Variants in ODAPH observed in about 807,000 individuals in gnomAD.
The protein encoded by ODAPH is odontogenesis associated phosphoprotein.
A neutral mutation model predicts 2.8 loss-of-function variants in ODAPH; 2 were observed. The ratio of observed to expected loss-of-function variants is 0.72; its 90% CI spans 0.30 to 2.28. ODAPH has a LOEUF of 2.28. Among genes scored for constraint, ODAPH ranks in the 30% most tolerant of loss-of-function variants. The probability of loss-of-function intolerance (pLI) is 0.13; values close to 1 mark genes in which losing one functional copy is unlikely to be tolerated. For missense variants in ODAPH, 159 were observed against 163.3 expected (o/e 0.97, Z 0.14); for synonymous variants, 75 against 60.3 (o/e 1.24, Z -1.13).
chr4:75,560,467 G>A lies in ODAPH; in HGVS notation c.68-3647G>A, dbSNP rs149132936. ...GGCATCAACCCACTTTCTCAGATGTGTGGCCCTAACTTTGTAAGATGTGAC... is the reference window on the plus strand; with the variant it reads ...GGCATCAACCCACTTTCTCAGATGTATGGCCCTAACTTTGTAAGATGTGAC... On this transcript the variant is annotated intron_variant, in intron 1 of 1. Coordinates refer to ENST00000311623, the MANE Select transcript of ODAPH (RefSeq NM_178497.5). 2.1e-4 allele frequency among the ~76,000 whole-genome samples: 32 copies of A among 152,328 alleles called. No homozygotes were observed. In the East Asian group the frequency reaches 6.2e-3, roughly 29 times the overall value.
intron 1 of ODAPH, chr4:75,556,511 C>T: frequency 2.6e-6 from 4 of 1,526,492 alleles, no homozygotes; most frequent in Middle Eastern, 1.7e-4. Context: ...ATTATGGTTA[C>T]AAAGCTAACA....
chr4:75,560,222 T>C (rs1278978353), intron 1 of ODAPH, among the ~76,000 whole-genome samples: 1 of 152,208 alleles, frequency 6.6e-6, no homozygotes, highest in African/African-American at 2.4e-5. Flanking sequence ...AAGAAGTTCA[T>C]GGCAGATTAC....
At position 75,564,154 on chromosome 4, in the gene ODAPH, T is replaced by C. The variant is rs1414340498; in HGVS notation, c.108T>C (p.Asn36=). 1 of 1,614,172 alleles carries C rather than the reference T, an allele frequency of 6.2e-7. No individual in the cohort carries two copies. The highest frequency in any genetic ancestry group is 1.7e-5 in the Admixed American group (1 of 60,020). Residue 36 remains asparagine, a synonymous_variant, in exon 2 of 2, where the codon AAT becomes AAC. Coordinates refer to ENST00000311623, the MANE Select transcript of ODAPH (RefSeq NM_178497.5). ...TTACGCCTCCTGGAGATTCACAAAA[T>C]AATGCGGACGCTACCGACTGCCAGA... ...EVFTPPGDSQ[N]NADATDCQIF... is the part of the protein sequence containing the mutation.
chr4:75,565,597 TTA>T (rs1203602600), downstream of ODAPH: 1 of 152,196 alleles, frequency 6.6e-6, no homozygotes, highest in Non-Finnish European at 1.5e-5. Flanking sequence ...CATTGATTGG[TTA>T]TTTGTTTTGG....
rs546509191 is a variant in ODAPH, at chr4:75,560,153, T to C, written c.68-3961T>C. Among the ~76,000 whole-genome samples, 97 of 152,162 alleles carry C rather than the reference T, an allele frequency of 6.4e-4. 1 individual carries two copies. The highest frequency in any genetic ancestry group is 2.5e-4 in the Non-Finnish European group (17 of 68,014). ...CAGGGTTAGATTCCAATGGATTAAATAGGGGGAGAAGTGGAATCAGTAGGT... is the reference window on the plus strand; with the variant it reads ...CAGGGTTAGATTCCAATGGATTAAACAGGGGGAGAAGTGGAATCAGTAGGT... On this transcript the variant is annotated intron_variant, in intron 1 of 1. Coordinates refer to ENST00000311623, the MANE Select transcript of ODAPH (RefSeq NM_178497.5).
intron 1 of ODAPH, chr4:75,556,711 T>C: frequency 1.4e-6 from 1 of 720,842 alleles, no homozygotes; most frequent in Non-Finnish European, 2.3e-6. Context: ...CAACTGTTCC[T>C]ATTCTCTTTC....
chr4:75,557,340 C>A (rs1255599654), intron 1 of ODAPH, among the ~76,000 whole-genome samples: 1 of 152,126 alleles, frequency 6.6e-6, no homozygotes, highest in Non-Finnish European at 1.5e-5. Flanking sequence ...TTATTCACAT[C>A]TTAAAAACAC....
intron 1 of ODAPH, among the ~76,000 whole-genome samples, chr4:75,558,722 C>T (rs574742666): frequency 2.0e-5 from 3 of 152,250 alleles, no homozygotes; most frequent in South Asian, 2.1e-4. Flanking sequence ...GAGACAGGGT[C>T]TCCCTCTGTC....
Position 75,564,168 on chromosome 4 carries a change from C to T in ODAPH, c.122C>T (p.Thr41Ile), listed in dbSNP as rs759033079. 5.0e-6 allele frequency: 8 copies of T among 1,614,088 alleles called. No individual in the cohort carries two copies. The African/African-American group carries it at 5.3e-5, about 11-fold the overall frequency. Reference sequence around the variant, plus strand: ...GATTCACAAAATAATGCGGACGCTACCGACTGCCAGATCTTTACACTCACC... The same window carrying T: ...GATTCACAAAATAATGCGGACGCTATCGACTGCCAGATCTTTACACTCACC... ...PGDSQNNADA[T>I]DCQIFTLTPP... The change falls in exon 2 of 2, where the codon ACC becomes ATC. Residue 41 changes from threonine (T) to isoleucine (I), a missense_variant. Transcript: ENST00000311623.
intron 1 of ODAPH, among the ~76,000 whole-genome samples, chr4:75,561,861 A>G (rs774229011): frequency 6.6e-6 from 1 of 152,074 alleles, no homozygotes; most frequent in Non-Finnish European, 1.5e-5. Flanking sequence ...AAAGAAACAC[A>G]CACACACCAA....
Position 75,563,005 on chromosome 4 carries a change from C to CTTTTTTTTT in ODAPH, c.68-1080_68-1072dup, listed in dbSNP as rs542417085. On this transcript the variant is annotated intron_variant, in intron 1 of 1. Coordinates refer to ENST00000311623, the MANE Select transcript of ODAPH (RefSeq NM_178497.5). The stretch of plus-strand genomic sequence containing the variant: ...TTTACATGCAATAAAATCCACACAT[C>CTTTTTTTTT]TTTTTTTTTTTTTTTTTTTTTTTTT... Among the ~76,000 whole-genome samples the CTTTTTTTTT allele has an allele frequency of 2.0e-4, 12 of 59,602 alleles. 4 individuals carry two copies. The highest frequency in any genetic ancestry group is 4.4e-4 in the African/African-American group (7 of 15,870). The allele number at this position is 59,602 out of a possible 152,430, so 39.1% of individuals were successfully genotyped here.
chr4:75,557,583 G>A (rs62318658), intron 1 of ODAPH, among the ~76,000 whole-genome samples: 30,849 of 152,186 alleles, frequency 0.2, 3,284 homozygotes, highest in Middle Eastern at 0.38. Flanking sequence ...AGGTTGCCAT[G>A]AGCCAAGATC....
chr4:75,564,438 G>A lies in ODAPH; in HGVS notation c.392G>A (p.Ter131=). 1.2e-6 allele frequency: 2 copies of A among 1,614,128 alleles called. No homozygotes were observed. Among genetic ancestry groups the A allele is most frequent in the Non-Finnish European group, 1.7e-6 (2 of 1,180,028 alleles). Residue 131 remains the stop codon, a stop_retained_variant, in exon 2 of 2, where the codon TGA becomes TAA. Transcript: ENST00000311623. ...LQRGSSSEES[*] ...AGAGGAAGCTCATCTGAGGAAAGCTGAGAGGGAAGAGAAACCCAAACATAC... is the reference window on the plus strand; with the variant it reads ...AGAGGAAGCTCATCTGAGGAAAGCTAAGAGGGAAGAGAAACCCAAACATAC...
intron 1 of ODAPH, 52 bp downstream of exon 1, chr4:75,556,201 G>A (rs1560558504): frequency 6.5e-7 from 1 of 1,539,256 alleles, no homozygotes; most frequent in Non-Finnish European, 9.0e-7. Context: ...ATAAGTTGTA[G>A]GAAAAGACAA....
chr4:75,560,989 G>A (rs907551189), intron 1 of ODAPH, among the ~76,000 whole-genome samples: 1 of 151,956 alleles, frequency 6.6e-6, no homozygotes, highest in Non-Finnish European at 1.5e-5. Context: ...AGGCCGAGGC[G>A]GGCGGATCAC....
At chr4:75,556,189 T>C (rs775753458) in intron 1 of ODAPH, 40 bp downstream of exon 1, 1 of 1,585,310 alleles carries the variant, frequency 6.3e-7, no homozygotes, top group Non-Finnish European at 8.7e-7. Context: ...GTCCACTAAT[T>C]AATAAGTTGT....
intron 1 of ODAPH, among the ~76,000 whole-genome samples, chr4:75,561,140 C>T (rs1053205540): frequency 6.9e-6 from 1 of 145,172 alleles, no homozygotes; most frequent in South Asian, 2.2e-4. Context: ...AGGAGAATGG[C>T]GTGAACCCGG....
intron 1 of ODAPH, among the ~76,000 whole-genome samples, chr4:75,559,964 A>T (rs1476184202): frequency 6.6e-6 from 1 of 152,346 alleles, no homozygotes; most frequent in Middle Eastern, 3.4e-3. Context: ...GGTTTTAACC[A>T]AGCCTCTGGG....
downstream of ODAPH, chr4:75,565,866 A>G (rs529293342): frequency 6.6e-6 from 1 of 152,374 alleles, no homozygotes; most frequent in South Asian, 2.1e-4. Flanking sequence ...CTTTATTAAA[A>G]TGATCAAAAA....
Sources: allele counts gnomAD v4.1 joint callset (sites outside exome capture counted in the v4.1 genomes callset), GRCh38; gene constraint gnomAD v4.1.1; transcripts MANE v1.5; gene names NCBI Gene and HGNC (gene_info 2026-07-23, HGNC 2026-07-21).